NSMCE2: variants seen among roughly 807,000 people sequenced by gnomAD.
NSMCE2 encodes the protein NSE2 SUMO ligase component of SMC5/6 complex.
Under a neutral mutation model 23.8 loss-of-function variants are expected in NSMCE2, and 24 were observed. That is an observed-to-expected ratio of 1.01 (90% CI 0.73 to 1.42). The LOEUF (loss-of-function observed/expected upper bound fraction) is 1.42, where lower values mean the gene tolerates loss of function less well. Ranked by LOEUF, NSMCE2 falls within the 40% of genes most tolerant of loss-of-function variation. The pLI, the probability that NSMCE2 is intolerant of heterozygous loss-of-function variation, is 0.00. For synonymous variants in NSMCE2, 92 were observed against 94.1 expected, an observed-to-expected ratio of 0.98 and a Z score of 0.13; for missense variants, 284 against 296.5, an observed-to-expected ratio of 0.96 and a Z score of 0.31.
At chr8:125,103,738 A>G (rs993978147) in intron 3 of NSMCE2, among the ~76,000 whole-genome samples, 2 of 152,162 alleles carry the variant, frequency 1.3e-5, no homozygotes, top group African/African-American at 4.8e-5. Flanking sequence ...TGTCTACTGC[A>G]GTGTCTAATC....
At chr8:125,298,693 T>TGG (rs1382567184) in intron 5 of NSMCE2, among the ~76,000 whole-genome samples, 1 of 115,056 alleles carries the variant, frequency 8.7e-6, no homozygotes, top group African/African-American at 3.4e-5. Flanking sequence ...GTGGGTTTTT[T>TGG]TTTGTTTTTT....
At position 125,264,890 on chromosome 8, in the gene NSMCE2, A is replaced by G. The variant is rs141728271; in HGVS notation, c.418+82634A>G. Among the ~76,000 whole-genome samples, 68 of 152,284 alleles carry G rather than the reference A, an allele frequency of 4.5e-4. 1 individual carries two copies. The highest frequency in any genetic ancestry group is 4.1e-3 in the Admixed American group (63 of 15,286). Reference sequence around the variant, plus strand: ...TGCAAATATCTCATTTAATCTTCACAACAACCCTGGGAATGTGGCTTTTGT... The same window carrying G: ...TGCAAATATCTCATTTAATCTTCACGACAACCCTGGGAATGTGGCTTTTGT... On this transcript the variant is annotated intron_variant, in intron 5 of 7. Transcript: ENST00000287437.
intron 5 of NSMCE2, among the ~76,000 whole-genome samples, chr8:125,222,825 G>A (rs1463743551): frequency 6.6e-6 from 1 of 152,144 alleles, no homozygotes; most frequent in African/African-American, 2.4e-5. Flanking sequence ...CTCTTTGGGA[G>A]GCTGAGGTGG....
At chr8:125,310,545 T>G (rs1828938353) in intron 5 of NSMCE2, among the ~76,000 whole-genome samples, 1 of 152,252 alleles carries the variant, frequency 6.6e-6, no homozygotes, top group African/African-American at 2.4e-5. Flanking sequence ...CATAAAGTTT[T>G]GTTGCTGTTT....
chr8:125,221,891 T>C (rs1024821729), intron 5 of NSMCE2, among the ~76,000 whole-genome samples: 14 of 152,212 alleles, frequency 9.2e-5, no homozygotes, highest in African/African-American at 2.7e-4. Flanking sequence ...GGATTAAGGA[T>C]GTTCAACCTA....
chr8:125,233,153 C>T (rs1825401691), intron 5 of NSMCE2, among the ~76,000 whole-genome samples: 1 of 152,174 alleles, frequency 6.6e-6, no homozygotes, highest in African/African-American at 2.4e-5. Flanking sequence ...ACTTTTTGTC[C>T]TCCAGCTAGG....
intron 5 of NSMCE2, among the ~76,000 whole-genome samples, chr8:125,301,684 T>A (rs941415168): frequency 2.1e-5 from 3 of 140,722 alleles, no homozygotes; most frequent in African/African-American, 8.0e-5. Flanking sequence ...AGACAGAGTC[T>A]CCCTCTGTCA....
At chr8:125,359,266 CAAAAA>C (rs35823474) in intron 7 of NSMCE2, among the ~76,000 whole-genome samples, 1 of 95,380 alleles carries the variant, frequency 1.0e-5, no homozygotes. Flanking sequence ...ACTCTGTCTC[CAAAAA>C]AAAAAAAAAA....
intron 5 of NSMCE2, among the ~76,000 whole-genome samples, chr8:125,313,045 TG>T (rs2131238599): frequency 6.8e-6 from 1 of 148,110 alleles, no homozygotes; most frequent in African/African-American, 2.5e-5. Context: ...CCATGGCACA[TG>T]TATACCTGTG....
chr8:125,310,601 T>A (rs1037900463), intron 5 of NSMCE2, among the ~76,000 whole-genome samples: 4 of 152,218 alleles, frequency 2.6e-5, no homozygotes, highest in African/African-American at 9.7e-5. Context: ...CCCCCTTTTT[T>A]TTTGTCTTCT....
chr8:125,144,153 C>G (rs7827336), intron 3 of NSMCE2, among the ~76,000 whole-genome samples: 1 of 151,970 alleles, frequency 6.6e-6, no homozygotes, highest in South Asian at 2.1e-4. Context: ...CATGTACTAC[C>G]GGACCTGTTT....
At chr8:125,172,414 T>C (rs1281972010) in intron 4 of NSMCE2, among the ~76,000 whole-genome samples, 2 of 152,218 alleles carry the variant, frequency 1.3e-5, no homozygotes, top group African/African-American at 4.8e-5. Flanking sequence ...AACCTCTGTG[T>C]ACACTTTTTT....
intron 3 of NSMCE2, among the ~76,000 whole-genome samples, chr8:125,125,889 A>T (rs1199434157): frequency 6.6e-6 from 1 of 152,156 alleles, no homozygotes; most frequent in African/African-American, 2.4e-5. Flanking sequence ...GCCCAGGGTG[A>T]TACTGTGGAG....
At chr8:125,097,472 T>C (rs890779123) in intron 1 of NSMCE2, among the ~76,000 whole-genome samples, 3 of 152,180 alleles carry the variant, frequency 2.0e-5, no homozygotes, top group Non-Finnish European at 4.4e-5. Context: ...TACTACCTTA[T>C]GATCTTTTTT....
intron 5 of NSMCE2, among the ~76,000 whole-genome samples, chr8:125,196,928 T>C (rs1305289263): frequency 6.6e-6 from 1 of 152,254 alleles, no homozygotes; most frequent in Non-Finnish European, 1.5e-5. Context: ...ATTGTGGTTT[T>C]GATTGCATTT....
At chr8:125,176,004 C>T (rs1339518466) in intron 4 of NSMCE2, among the ~76,000 whole-genome samples, 1 of 152,168 alleles carries the variant, frequency 6.6e-6, no homozygotes, top group Admixed American at 6.5e-5. Context: ...TAACAGTCAA[C>T]TCATTGATTA....
chr8:125,119,271 A>G (rs761589352), intron 3 of NSMCE2, among the ~76,000 whole-genome samples: 2 of 152,162 alleles, frequency 1.3e-5, no homozygotes, highest in South Asian at 2.1e-4. Context: ...GTTTCTCCAC[A>G]TGATGGCGTG....
chr8:125,118,392 CAA>C (rs1435889377), intron 3 of NSMCE2, among the ~76,000 whole-genome samples: 1 of 148,350 alleles, frequency 6.7e-6, no homozygotes. Context: ...AACAAACAAA[CAA>C]ACACACACAC....
At chr8:125,327,119 T>G (rs761211100) in intron 5 of NSMCE2, among the ~76,000 whole-genome samples, 1 of 149,446 alleles carries the variant, frequency 6.7e-6, no homozygotes, top group African/African-American at 2.5e-5. Context: ...AAAAAAAAAT[T>G]AGCCGGCGTG....
Sources: gnomAD v4.1 joint callset for allele counts (sites outside exome capture counted in the v4.1 genomes callset) on GRCh38, gnomAD v4.1.1 for gene constraint, MANE v1.5 for transcripts, NCBI Gene and HGNC (gene_info 2026-07-23, HGNC 2026-07-21) for gene names.